Variants in FBXO42 observed in about 807,000 individuals in gnomAD.
FBXO42 encodes the protein F-box only protein 42.
A neutral mutation model predicts 71.7 loss-of-function variants in FBXO42; 12 were observed. That is an observed-to-expected ratio of 0.17 (90% CI 0.11 to 0.27). The LOEUF (loss-of-function observed/expected upper bound fraction) is 0.27. Among genes scored for constraint, FBXO42 ranks in the 10% least tolerant of loss-of-function variants. FBXO42 has a pLI of 1.00. For synonymous variants in FBXO42, 325 were observed against 327.5 expected (o/e 0.99, Z 0.08); for missense variants, 707 against 911.9 (o/e 0.78, Z 2.89).
intron 1 of FBXO42, among the ~76,000 whole-genome samples, chr1:16,330,400 T>C (rs2082489308): frequency 6.6e-6 from 1 of 151,850 alleles, no homozygotes; most frequent in African/African-American, 2.4e-5. Context: ...GGCAGCTACT[T>C]GGGGGCTGGG....
chr1:16,302,035 C>T (rs1002817832), intron 3 of FBXO42, among the ~76,000 whole-genome samples: 14 of 152,060 alleles, frequency 9.2e-5, no homozygotes, highest in African/African-American at 3.4e-4. Flanking sequence ...AAGGCCTTTC[C>T]TTTTTAGCAT....
rs779190739 is a variant in FBXO42 at position 16,251,371 on chromosome 1, G to A, written c.1453C>T (p.Arg485Ter). 1.9e-6 allele frequency: 3 copies of A among 1,614,086 alleles called. No homozygotes were observed. The highest frequency in any genetic ancestry group is 1.1e-5 in the South Asian group (1 of 91,082). The change falls in exon 10 of 10, where the codon CGA becomes TGA. Residue 485 changes from arginine to a stop codon, truncating the protein, a stop_gained. Transcript: ENST00000375592. LOFTEE classifies it high-confidence loss of function. The surrounding 1 kb of genome is among the most constrained non-coding windows in gnomAD (Gnocchi z 4.5). ...TTCTGATCTGGTAGTGATCCTCGTC[G>A]GGGGGCCAAAGAAAGTCCTATTTTC... ...DLKIGLSLAP[R>*]RGSLPDQKDL...
At position 16,248,170 on chromosome 1, in the gene FBXO42, C is replaced by T. The variant is rs17369655; in HGVS notation, c.*2500G>A. The T allele has an allele frequency of 1.3e-5, 2 of 152,072 alleles. No homozygotes were observed. Among genetic ancestry groups the T allele is most frequent in the Non-Finnish European group, 1.5e-5 (1 of 68,006 alleles). The allele number at this position is 152,072 out of a possible 1,614,324, so 9.4% of individuals were successfully genotyped here. A position where few individuals can be genotyped will look rare whatever the true frequency, so the allele number is the denominator to read the frequency against. On this transcript the variant is annotated 3_prime_UTR_variant, in exon 10 of 10. Transcript: ENST00000375592. ...GCATTGTGGAAATGCTCGCCTTGGC[C>T]GAGACACGTGAAGTCCCACCGCACA... is the stretch of plus-strand genomic sequence containing the variant.
In FBXO42 at chr1:16,251,980, T is replaced by C. The variant is rs557229456; in HGVS notation, c.1039-195A>G. 1.3e-5 allele frequency among the ~76,000 whole-genome samples: 2 copies of C among 152,292 alleles called. No individual in the cohort carries two copies. Among genetic ancestry groups the C allele is most frequent in the South Asian group, 2.1e-4 (1 of 4,824 alleles). ...AACAATCGCTGCTTTGTGTGACATA[T>C]GCTATCATTAGAGATATGTATACAG... On this transcript the variant is annotated intron_variant, in intron 9 of 9. Transcript: ENST00000375592. This position sits in a 1 kb window ranked among gnomAD's most constrained non-coding sequence, Gnocchi z 4.5.
intron 1 of FBXO42, among the ~76,000 whole-genome samples, chr1:16,333,038 G>A (rs896385332): frequency 2.0e-5 from 3 of 151,936 alleles, no homozygotes; most frequent in Non-Finnish European, 4.4e-5. Flanking sequence ...ATCCCCTCTT[G>A]CAGAAATACC....
intron 4 of FBXO42, among the ~76,000 whole-genome samples, chr1:16,262,196 A>T (rs1213405498): frequency 6.6e-6 from 1 of 152,128 alleles, no homozygotes; most frequent in Non-Finnish European, 1.5e-5. Flanking sequence ...GTGTATATGT[A>T]TATATATTTT....
In FBXO42 at chr1:16,349,776, C is replaced by T. The variant is rs546629958; in HGVS notation, c.-18+2479G>A. 1.5e-3 allele frequency among the ~76,000 whole-genome samples: 234 copies of T among 152,312 alleles called. 1 individual carries two copies. Among genetic ancestry groups the T allele is most frequent in the Admixed American group, 2.5e-3 (38 of 15,290 alleles). On this transcript the variant is annotated intron_variant, in intron 1 of 9. Transcript: ENST00000375592. ...ACTCAGGAAGCTGAGGCAGGAGAAT[C>T]GCCTGAACCGGAGAGGTGGAGGTTG... is the stretch of plus-strand genomic sequence containing the variant.
At chr1:16,340,958 T>C (rs539920123) in intron 1 of FBXO42, among the ~76,000 whole-genome samples, 1 of 152,032 alleles carries the variant, frequency 6.6e-6, no homozygotes, top group African/African-American at 2.4e-5. Context: ...AAAATTTATT[T>C]ATAAAAAATC....
At chr1:16,275,574 A>G (rs981816184) in intron 4 of FBXO42, among the ~76,000 whole-genome samples, 1 of 152,136 alleles carries the variant, frequency 6.6e-6, no homozygotes, top group African/African-American at 2.4e-5. Flanking sequence ...AGCTATGATG[A>G]TGCCACTGTA....
Position 16,250,573 on chromosome 1 carries a change from G to A in FBXO42, c.*97C>T, listed in dbSNP as rs2081581162. ...TGGGAATTAAAGAGTTTTGGCTTCTGGGAGTAATTTTGTTTTCCCAATTCT... is the reference window on the plus strand; with the variant it reads ...TGGGAATTAAAGAGTTTTGGCTTCTAGGAGTAATTTTGTTTTCCCAATTCT... On this transcript the variant is annotated 3_prime_UTR_variant, in exon 10 of 10. Transcript: ENST00000375592. The surrounding 1 kb of genome is among the most constrained non-coding windows in gnomAD (Gnocchi z 4.7). 1 of 1,417,700 alleles carries A rather than the reference G, an allele frequency of 7.1e-7. No homozygotes were observed. The highest frequency in any genetic ancestry group is 1.4e-5 in the African/African-American group (1 of 69,694). 87.8% of individuals were successfully genotyped at this position (1,417,700 alleles called of 1,614,324 possible).
chr1:16,321,635 T>C (rs963541186), intron 1 of FBXO42, among the ~76,000 whole-genome samples: 1 of 151,794 alleles, frequency 6.6e-6, no homozygotes, highest in East Asian at 1.9e-4. Context: ...GGCATTCAAA[T>C]GAGTGTAAGG....
At chr1:16,315,549 G>T in intron 1 of FBXO42, 114 bp from the exon 2 acceptor site, 2 of 1,045,688 alleles carry the variant, frequency 1.9e-6, no homozygotes, top group Non-Finnish European at 2.7e-6. Flanking sequence ...TGTGAAATCT[G>T]CTCTTCAGCA....
Position 16,252,270 on chromosome 1 carries a change from T to C in FBXO42, c.1038+18A>G. ...TTTAGGACCTGTCCTCCTGCTAGCC[T>C]GTCAGCTCCCTGCTTACCCGGCAAG... is the stretch of plus-strand genomic sequence containing the variant. On this transcript the variant is annotated intron_variant, in intron 9 of 9. Coordinates refer to ENST00000375592, the MANE Select transcript of FBXO42 (RefSeq NM_018994.3). The surrounding 1 kb of genome is among the most constrained non-coding windows in gnomAD (Gnocchi z 4.4). The C allele has an allele frequency of 6.3e-7, 1 of 1,583,168 alleles. No individual in the cohort carries two copies. The highest frequency in any genetic ancestry group is 8.7e-7 in the Non-Finnish European group (1 of 1,151,858).
At position 16,315,181 on chromosome 1, in the gene FBXO42, G is replaced by T. The variant is rs139670810; in HGVS notation, c.238C>A (p.Arg80=). ...TAALVCKQWY[R]LIKGVAHQCY... ...CTATCCACAGTACCTTTGATAAGTC[G>T]ATACCACTGTTTGCAGACAAGGGCC... Residue 80 remains arginine, a synonymous_variant, in exon 2 of 10, where the codon CGA becomes AGA. Transcript: ENST00000375592. The T allele has an allele frequency of 1.8e-4, 294 of 1,612,410 alleles. 1 individual carries two copies. Among genetic ancestry groups the T allele is most frequent in the Non-Finnish European group, 2.3e-4 (271 of 1,178,722 alleles).
intron 1 of FBXO42, among the ~76,000 whole-genome samples, chr1:16,338,018 G>T (rs1026544084): frequency 1.3e-5 from 2 of 151,732 alleles, no homozygotes; most frequent in African/African-American, 2.4e-5. Flanking sequence ...CCAGCACTTT[G>T]GGAGGCCGAG....
At chr1:16,310,261 G>A (rs997142983) in intron 2 of FBXO42, among the ~76,000 whole-genome samples, 3 of 151,822 alleles carry the variant, frequency 2.0e-5, no homozygotes, top group African/African-American at 7.3e-5. Flanking sequence ...CTTGGGAGGT[G>A]GAAGCAGGAG....
chr1:16,297,516 C>A (rs1184327133), intron 3 of FBXO42, among the ~76,000 whole-genome samples: 1 of 152,156 alleles, frequency 6.6e-6, no homozygotes, highest in Non-Finnish European at 1.5e-5. Flanking sequence ...ATCTAGCCAT[C>A]AATAGGCTCA....
intron 5 of FBXO42, among the ~76,000 whole-genome samples, chr1:16,256,049 A>T (rs944619143): frequency 1.3e-5 from 2 of 152,210 alleles, no homozygotes; most frequent in Non-Finnish European, 1.5e-5. Flanking sequence ...AGAGATGAGA[A>T]AACGATGACA....
At chr1:16,261,232 TG>T (rs145140958) in intron 4 of FBXO42, among the ~76,000 whole-genome samples, 1,900 of 152,316 alleles carry the variant, frequency 0.012, 19 homozygotes, top group Non-Finnish European at 0.022. Context: ...TACAAGGCTC[TG>T]GGACACACTC....
Sources: allele counts gnomAD v4.1 joint callset (sites outside exome capture counted in the v4.1 genomes callset), GRCh38; gene constraint gnomAD v4.1.1; non-coding constraint Gnocchi (gnomAD v3.1); transcripts MANE v1.5; gene names NCBI Gene and HGNC (gene_info 2026-07-23, HGNC 2026-07-21).